Variants in CHMP1A observed in about 807,000 individuals in gnomAD.
The protein encoded by CHMP1A is charged multivesicular body protein 1A.
A neutral mutation model predicts 27.0 loss-of-function variants in CHMP1A; 17 were observed. The observed-to-expected ratio is 0.63, with a 90% CI of 0.43 to 0.95. CHMP1A has a LOEUF of 0.95. Ranked by LOEUF, CHMP1A falls within the 40% of genes least tolerant of loss-of-function variation. The pLI, the probability that CHMP1A is intolerant of heterozygous loss-of-function variation, is 0.00. For synonymous variants in CHMP1A, 131 were observed against 107.5 expected (o/e 1.22, Z -1.35); for missense variants, 275 against 264.0 (o/e 1.04, Z -0.29).
chr16:89,657,658 G>C lies in CHMP1A; in HGVS notation c.-70C>G, dbSNP rs1333449185. The C allele has an allele frequency of 6.2e-7, 1 of 1,602,504 alleles. No individual in the cohort carries two copies. The highest frequency in any genetic ancestry group is 8.5e-7 in the Non-Finnish European group (1 of 1,175,674). ...CAACTCCGGGCGGTGTCAGGTCCCG[G>C]CGGCGATCGAACCGACCAAGCTGCA... is the stretch of plus-strand genomic sequence containing the variant. On this transcript the variant is annotated 5_prime_UTR_variant, in exon 1 of 7. Coordinates refer to ENST00000397901, the MANE Select transcript of CHMP1A (RefSeq NM_002768.5).
At chr16:89,646,359 G>A (rs1033754112) in intron 6 of CHMP1A, among the ~76,000 whole-genome samples, 168 bp downstream of exon 6, 43 of 152,200 alleles carry the variant, frequency 2.8e-4, no homozygotes, top group African/African-American at 1.0e-3. Flanking sequence ...GCAGCAGGGC[G>A]GCTCGCTTGG....
intron 1 of CHMP1A, among the ~76,000 whole-genome samples, chr16:89,657,360 C>T (rs1199313164): frequency 1.4e-5 from 2 of 146,218 alleles, no homozygotes; most frequent in African/African-American, 5.1e-5. Context: ...TGGTCGAGGC[C>T]CTGGGGATGG....
rs954933588 is a variant in CHMP1A at position 89,651,720 on chromosome 16, C to T, written c.28-74G>A. On this transcript the variant is annotated intron_variant, in intron 2 of 6. Transcript: ENST00000397901. ...CCAGGCCCGGCTCTCCACACCCCCA[C>T]ACCTGTGCCCACACCTGTGCCCACA... The T allele has an allele frequency of 1.2e-5, 17 of 1,417,810 alleles. No individual in the cohort carries two copies. In the South Asian group the frequency reaches 1.3e-4, roughly 11 times the overall value. 87.8% of individuals were successfully genotyped at this position (1,417,810 alleles called of 1,614,324 possible). A position where few individuals can be genotyped will look rare whatever the true frequency, so the allele number is the denominator to read the frequency against.
In CHMP1A at chr16:89,648,378, CGGTGGAGAAAAGG is replaced by C. The variant is rs1568000837; in HGVS notation, c.252+960_252+972del. ...CCGACGTGGAGACCCAGCGCGGGGT[CGGTGGAGAAAAGG>C]CCGCCGACGTGGGGACCCAGCGCGG... On this transcript the variant is annotated intron_variant, in intron 4 of 6. Transcript: ENST00000397901. Among the ~76,000 whole-genome samples the C allele has an allele frequency of 5.1e-4, 55 of 107,664 alleles. 9 individuals carry two copies. Among genetic ancestry groups the C allele is most frequent in the Middle Eastern group, 5.1e-3 (1 of 198 alleles). 70.6% of individuals were successfully genotyped at this position (107,664 alleles called of 152,430 possible).
rs200470789 is a variant in CHMP1A, at chr16:89,649,362, T to A, written c.241A>T (p.Thr81Ser). ...AVASKVQTAV[T>S]MKGVTKNMAQ... is the part of the protein sequence containing the mutation. ...GGCCCAGCACTCACCCCCTTCATAG[T>A]CACAGCTGTCTGCACCTTGGAGGCC... Residue 81 changes from threonine (T) to serine (S), a missense_variant, in exon 4 of 7, where the codon ACT (threonine) becomes TCT (serine). Coordinates refer to ENST00000397901, the MANE Select transcript of CHMP1A (RefSeq NM_002768.5). 453 of 1,612,308 alleles carry A rather than the reference T, an allele frequency of 2.8e-4. No homozygotes were observed. Among genetic ancestry groups the A allele is most frequent in the Non-Finnish European group, 3.8e-4 (443 of 1,178,876 alleles).
intron 1 of CHMP1A, among the ~76,000 whole-genome samples, chr16:89,656,786 G>GACATTCCAAGTCCC (rs1357078873): frequency 6.4e-4 from 98 of 152,264 alleles, no homozygotes; most frequent in South Asian, 6.2e-4. Flanking sequence ...CCTCTGACCC[G>GACATTCCAAGTCCC]ACATTCCAAG....
chr16:89,653,190 TTG>T (rs1419105008), intron 2 of CHMP1A, among the ~76,000 whole-genome samples: 1 of 150,108 alleles, frequency 6.7e-6, no homozygotes, highest in Non-Finnish European at 1.5e-5. Context: ...GCTAATTTTT[TTG>T]TGTGTTTTTA....
rs1064794609 is a variant in CHMP1A, at chr16:89,647,238, C to G, written c.346G>C (p.Glu116Gln). The change falls in exon 5 of 7, where the codon GAG (glutamate) becomes CAG (glutamine). Residue 116 changes from glutamate to glutamine, a missense_variant. Physicochemically the swap from Glu to Gln is conservative, Grantham distance 29. Coordinates refer to ENST00000397901, the MANE Select transcript of CHMP1A (RefSeq NM_002768.5). ...ACGTCCAGGTTCTGCACCTGCTGCT[C>G]GAACCTGTCCATCACTGAGGAGACC... ...QKVSSVMDRF[E>Q]QQVQNLDVHT... 4 of 1,609,268 alleles carry G rather than the reference C, an allele frequency of 2.5e-6. No individual in the cohort carries two copies. Among genetic ancestry groups the G allele is most frequent in the Admixed American group, 1.7e-5 (1 of 59,318 alleles).
chr16:89,647,401 C>T lies in CHMP1A; in HGVS notation c.253-70G>A, dbSNP rs1015582764. On this transcript the variant is annotated intron_variant, in intron 4 of 6. Coordinates refer to ENST00000397901, the MANE Select transcript of CHMP1A (RefSeq NM_002768.5). ...TGGAGCTCACGCACCAGGGACGGGT[C>T]CCCTGGACTCTGACAGGAGAGCTGG... 5.5e-6 allele frequency: 8 copies of T among 1,457,754 alleles called. No homozygotes were observed. In the South Asian group the frequency reaches 7.6e-5, roughly 14 times the overall value. The allele number at this position is 1,457,754 out of a possible 1,614,324, so 90.3% of individuals were successfully genotyped here.
rs2059766771 is a variant in CHMP1A at position 89,645,515 on chromosome 16, A to C, written c.*551T>G. The C allele has an allele frequency of 5.9e-6, 1 of 168,676 alleles. No homozygotes were observed. The highest frequency in any genetic ancestry group is 5.7e-5 in the Admixed American group (1 of 17,656). The allele number at this position is 168,676 out of a possible 1,614,324, so 10.4% of individuals were successfully genotyped here. A position where few individuals can be genotyped will look rare whatever the true frequency, so the allele number is the denominator to read the frequency against. ...CAGCCAGCTGGTAGGGGCGGCCGAG[A>C]CACCACCCCTGGAGTGATGGAGGAG... On this transcript the variant is annotated 3_prime_UTR_variant, in exon 7 of 7. Coordinates refer to ENST00000397901, the MANE Select transcript of CHMP1A (RefSeq NM_002768.5).
chr16:89,657,549 G>A (rs529241231), intron 1 of CHMP1A, 33 bp downstream of exon 1: 3 of 1,609,370 alleles, frequency 1.9e-6, no homozygotes, highest in Non-Finnish European at 2.5e-6. Context: ...CGCCCCGCGC[G>A]CGAGTCCCCG....
At chr16:89,649,235 ACCCCG>A in intron 4 of CHMP1A, 111 bp downstream of exon 4, 1 of 996,902 alleles carries the variant, frequency 1.0e-6, no homozygotes, top group Non-Finnish European at 1.3e-6. Flanking sequence ...CAACCTCCCC[ACCCCG>A]CGCTGATCCA....
intron 2 of CHMP1A, among the ~76,000 whole-genome samples, chr16:89,653,504 T>C (rs1487322623): frequency 6.7e-6 from 1 of 149,134 alleles, no homozygotes; most frequent in Non-Finnish European, 1.5e-5. Flanking sequence ...GCGCCTGTAG[T>C]CCCAGCTACT....
chr16:89,657,492 C>G (rs2059894277), intron 1 of CHMP1A, 90 bp downstream of exon 1: 7 of 1,533,974 alleles, frequency 4.6e-6, no homozygotes, highest in Non-Finnish European at 6.2e-6. Flanking sequence ...TGAGTCCTGC[C>G]CGCGGCCCCA....
chr16:89,656,602 C>T (rs2059874100), intron 1 of CHMP1A, among the ~76,000 whole-genome samples: 1 of 152,248 alleles, frequency 6.6e-6, no homozygotes, highest in Non-Finnish European at 1.5e-5. Context: ...CCATTGAGCA[C>T]AGAAACGCTT....
Position 89,651,570 on chromosome 16 carries a change from T to G in CHMP1A, c.104A>C (p.Lys35Thr). The G allele has an allele frequency of 6.2e-7, 1 of 1,613,600 alleles. No homozygotes were observed. The highest frequency in any genetic ancestry group is 8.5e-7 in the Non-Finnish European group (1 of 1,179,704). Reference protein sequence around the residue: ...DSKAEQAKVKKALLQKNVECA... With the variant: ...DSKAEQAKVKTALLQKNVECA... ...ACCCCACAGCCCCCAGGGTCTCACC[T>G]TCTTCACTTTGGCCTGCTCCGCCTT... Residue 35 changes from lysine to threonine, a missense_variant and splice_region_variant, in exon 3 of 7, where the codon AAG (lysine) becomes ACG (threonine). By Grantham distance (78) the Lys-to-Thr change is moderately conservative (BLOSUM62 -1). Transcript: ENST00000397901.
chr16:89,656,971 G>A (rs1446598826), intron 1 of CHMP1A, among the ~76,000 whole-genome samples: 2 of 151,674 alleles, frequency 1.3e-5, no homozygotes, highest in African/African-American at 4.8e-5. Flanking sequence ...CCATGGTTGG[G>A]GGTCAGAGGT....
At position 89,648,456 on chromosome 16, in the gene CHMP1A, A is replaced by T. The variant is rs75268076; in HGVS notation, c.252+895T>A. Among the ~76,000 whole-genome samples, 1,043 of 143,362 alleles carry T rather than the reference A, an allele frequency of 7.3e-3. 354 individuals are homozygous for T. In the East Asian group the frequency reaches 0.089, roughly 12 times the overall value. 94.1% of individuals were successfully genotyped at this position (143,362 alleles called of 152,430 possible). A position where few individuals can be genotyped will look rare whatever the true frequency, so the allele number is the denominator to read the frequency against. ...AGGCCGCCGACGTGGGGTCTCCAGG[A>T]CTGCTGTGCCCTCCTGGCCCACCTG... On this transcript the variant is annotated intron_variant, in intron 4 of 6. Coordinates refer to ENST00000397901, the MANE Select transcript of CHMP1A (RefSeq NM_002768.5).
chr16:89,656,828 C>T (rs1031179712), intron 1 of CHMP1A, among the ~76,000 whole-genome samples: 1 of 152,158 alleles, frequency 6.6e-6, no homozygotes, highest in Non-Finnish European at 1.5e-5. Context: ...TCGCACAGTC[C>T]CCCCTACCGA....
Sources: allele counts gnomAD v4.1 joint callset (sites outside exome capture counted in the v4.1 genomes callset), GRCh38; gene constraint gnomAD v4.1.1; transcripts MANE v1.5; gene names NCBI Gene and HGNC (gene_info 2026-07-23, HGNC 2026-07-21).